The following SLC39A7 variants were observed in gnomAD, a reference collection of about 807,000 sequenced individuals.
The protein encoded by SLC39A7 is solute carrier family 39 member 7.
In SLC39A7, 25 loss-of-function variants were observed where a neutral mutation model predicts 39.7. The ratio of observed to expected loss-of-function variants is 0.63; its 90% CI spans 0.46 to 0.88. SLC39A7 has a LOEUF of 0.88. Ranked by LOEUF, SLC39A7 falls within the 40% of genes least tolerant of loss-of-function variation. The pLI, the probability that SLC39A7 is intolerant of heterozygous loss-of-function variation, is 0.00. For synonymous variants in SLC39A7, 181 were observed against 234.1 expected (o/e 0.77, Z 2.07); for missense variants, 501 against 592.1 (o/e 0.85, Z 1.60).
Position 33,204,345 on chromosome 6 carries a change from A to AT in SLC39A7, c.*540dup, listed in dbSNP as rs1029164459. The AT allele has an allele frequency of 3.6e-5, 20 of 555,884 alleles. No individual in the cohort carries two copies. The highest frequency in any genetic ancestry group is 7.6e-5 in the African/African-American group (4 of 52,656). The allele number at this position is 555,884 out of a possible 1,614,324, so 34.4% of individuals were successfully genotyped here. A position where few individuals can be genotyped will look rare whatever the true frequency, so the allele number is the denominator to read the frequency against. On this transcript the variant is annotated 3_prime_UTR_variant, in exon 7 of 7. Transcript: ENST00000374677. The stretch of plus-strand genomic sequence containing the variant: ...GGTTAGTTGGTATTCTCATGGCCTG[A>AT]TTTTTTTTGTTTCTATTCCTTTTAT...
Position 33,202,106 on chromosome 6 carries a change from A to C in SLC39A7, c.615A>C (p.Gly205=). 6.2e-7 allele frequency: 1 copy of C among 1,612,948 alleles called. No homozygotes were observed. Among genetic ancestry groups the C allele is most frequent in the Non-Finnish European group, 8.5e-7 (1 of 1,180,002 alleles). ...CTCACCACACTCTGGAGCAACCCGG[A>C]CATGGACACTCCCACAGTGGTGAGG... ...PHSHHTLEQP[G]HGHSHSGQGP... Residue 205 remains glycine (G), a synonymous_variant, in exon 3 of 7, where the codon GGA becomes GGC. Transcript: ENST00000374677.
In SLC39A7 at chr6:33,201,837, A is replaced by G; in HGVS notation, c.504A>G (p.Leu168=). Residue 168 remains leucine (L), a synonymous_variant, in exon 2 of 7, where the codon CTA becomes CTG. Transcript: ENST00000374677. This position sits in a 1 kb window ranked among gnomAD's most constrained non-coding sequence, Gnocchi z 5.9. ...VESNSPRHRS[L]LQILLSFASG... is the part of the protein sequence containing the mutation. ...CGAACTCTCCCCGGCATCGCTCTCT[A>G]CTTCAGATCTTGCTCAGTTTTGCTT... The G allele has an allele frequency of 6.2e-7, 1 of 1,612,738 alleles. No homozygotes were observed.
chr6:33,203,461 C>G lies in SLC39A7; in HGVS notation c.1138-80C>G, dbSNP rs1562435068. The G allele has an allele frequency of 4.1e-6, 6 of 1,466,798 alleles. No individual in the cohort carries two copies. In the African/African-American group the frequency reaches 4.2e-5, roughly 10 times the overall value. The allele number at this position is 1,466,798 out of a possible 1,614,324, so 90.9% of individuals were successfully genotyped here. On this transcript the variant is annotated intron_variant, in intron 6 of 6. Coordinates refer to ENST00000374677, the MANE Select transcript of SLC39A7 (RefSeq NM_006979.3). Reference sequence around the variant, plus strand: ...GTTTCCAAATCCATGTCCCCTATACCTATACCCCACCAGCCACTTCTAAAC... The same window carrying G: ...GTTTCCAAATCCATGTCCCCTATACGTATACCCCACCAGCCACTTCTAAAC...
rs1461867986 is a variant in SLC39A7 at position 33,201,572 on chromosome 6, C to T, written c.327C>T (p.Asp109=). Residue 109 remains aspartate, a synonymous_variant, in exon 1 of 7, where the codon GAC becomes GAT. Coordinates refer to ENST00000374677, the MANE Select transcript of SLC39A7 (RefSeq NM_006979.3). The surrounding 1 kb of genome is among the most constrained non-coding windows in gnomAD (Gnocchi z 5.9). ...ESLYHRGHGH[D]HEHSHGGYGE... The stretch of plus-strand genomic sequence containing the variant: ...TCTACCACAGAGGACATGGACATGA[C>T]CATGAGCATAGCCATGGAGGCTATG... The T allele has an allele frequency of 6.2e-7, 1 of 1,613,948 alleles. No homozygotes were observed. Among genetic ancestry groups the T allele is most frequent in the Non-Finnish European group, 8.5e-7 (1 of 1,179,944 alleles).
intron 3 of SLC39A7, 68 bp downstream of exon 3, chr6:33,202,193 C>T (rs1774636839): frequency 1.9e-6 from 3 of 1,592,058 alleles, no homozygotes; most frequent in East Asian, 4.5e-5. Flanking sequence ...CTATTCCTCA[C>T]CTCCCGCACT....
Position 33,200,912 on chromosome 6 carries a change from C to A in SLC39A7, c.-334C>A, listed in dbSNP as rs370287977. On this transcript the variant is annotated 5_prime_UTR_variant, in exon 1 of 7. Transcript: ENST00000374677. The surrounding 1 kb of genome is among the most constrained non-coding windows in gnomAD (Gnocchi z 6.3). ...GGCGGGACTGCCACGTCCAAGCAAA[C>A]CGGGAAAGGAGAGGATCCCGGAGCC... is the stretch of plus-strand genomic sequence containing the variant. 2,847 of 1,195,364 alleles carry A rather than the reference C, an allele frequency of 2.4e-3. 64 individuals carry two copies. In the South Asian group the frequency reaches 0.032, roughly 13 times the overall value. 74.0% of individuals were successfully genotyped at this position (1,195,364 alleles called of 1,614,324 possible).
chr6:33,202,506 AGGACATGTT>A, intron 4 of SLC39A7, 45 bp from the exon 5 acceptor site: 7 of 1,594,944 alleles, frequency 4.4e-6, no homozygotes, highest in Non-Finnish European at 6.0e-6. Flanking sequence ...CAGGAGGGAG[AGGACATGTT>A]GGAAGATCTG....
rs758951812 is a variant in SLC39A7 at position 33,202,685 on chromosome 6, G to T, written c.925G>T (p.Glu309Ter). 1 of 1,591,836 alleles carries T rather than the reference G, an allele frequency of 6.3e-7. No homozygotes were observed. Residue 309 changes from glutamate to a stop codon, truncating the protein, a stop_gained, in exon 5 of 7, where the codon GAA becomes TAA. Coordinates refer to ENST00000374677, the MANE Select transcript of SLC39A7 (RefSeq NM_006979.3). LOFTEE classifies it high-confidence loss of function. ...AGTGAGACCTCAGAACGCTGAAGAA[G>T]AAAAAAGAGGCTTAGGTAAGGGCCA... ...GPVRPQNAEE[E>*]KRGLDLRVSG... is the part of the protein sequence containing the mutation.
In SLC39A7 at chr6:33,203,632, T is replaced by C. The variant is rs767372804; in HGVS notation, c.1229T>C (p.Ile410Thr). ...LTEGGAVGSEIAGGAGPGWVL... is the reference protein window; with the variant it reads ...LTEGGAVGSETAGGAGPGWVL... Reference sequence around the variant, plus strand: ...GAAGGAGGAGCAGTGGGCAGTGAAATTGCAGGTGGTGCAGGTCCTGGCTGG... The same window carrying C: ...GAAGGAGGAGCAGTGGGCAGTGAAACTGCAGGTGGTGCAGGTCCTGGCTGG... The change falls in exon 7 of 7, where the codon ATT becomes ACT. Residue 410 changes from isoleucine to threonine, a missense_variant. By Grantham distance (89) the Ile-to-Thr change is moderately conservative. Coordinates refer to ENST00000374677, the MANE Select transcript of SLC39A7 (RefSeq NM_006979.3). 1.9e-6 allele frequency: 3 copies of C among 1,614,212 alleles called. No individual in the cohort carries two copies. Among genetic ancestry groups the C allele is most frequent in the Non-Finnish European group, 2.5e-6 (3 of 1,180,038 alleles).
Position 33,203,036 on chromosome 6 carries a change from T to G in SLC39A7, c.1067T>G (p.Leu356Arg). ...GLGILTTMTVLLHEVPHEVGD... is the reference protein window; with the variant it reads ...GLGILTTMTVRLHEVPHEVGD... ...GGGATCCTGACCACAATGACTGTCCTGCTACATGAAGTGCCCCACGAGGTC... is the reference window on the plus strand; with the variant it reads ...GGGATCCTGACCACAATGACTGTCCGGCTACATGAAGTGCCCCACGAGGTC... The change falls in exon 6 of 7, where the codon CTG becomes CGG. Residue 356 changes from leucine to arginine, a missense_variant. Transcript: ENST00000374677. 1.2e-6 allele frequency: 2 copies of G among 1,611,930 alleles called. No individual in the cohort carries two copies. The highest frequency in any genetic ancestry group is 1.7e-6 in the Non-Finnish European group (2 of 1,179,608).
chr6:33,203,615 A>G lies in SLC39A7; in HGVS notation c.1212A>G (p.Gly404=), dbSNP rs1774788940. The G allele has an allele frequency of 3.7e-6, 6 of 1,614,126 alleles. No homozygotes were observed. The East Asian group carries it at 1.3e-4, about 36-fold the overall frequency. The stretch of plus-strand genomic sequence containing the variant: ...CCTGTGCCCTTCTCACTGAAGGAGG[A>G]GCAGTGGGCAGTGAAATTGCAGGTG... ...GTACALLTEG[G]AVGSEIAGGA... The change falls in exon 7 of 7, where the codon GGA becomes GGG. Residue 404 remains glycine, a synonymous_variant. Transcript: ENST00000374677.
At position 33,201,843 on chromosome 6, in the gene SLC39A7, G is replaced by C; in HGVS notation, c.510G>C (p.Gln170His). The change falls in exon 2 of 7, where the codon CAG (glutamine) becomes CAC (histidine). Residue 170 changes from glutamine (Q) to histidine (H), a missense_variant. Transcript: ENST00000374677. This position sits in a 1 kb window ranked among gnomAD's most constrained non-coding sequence, Gnocchi z 5.9. ...CTCCCCGGCATCGCTCTCTACTTCA[G>C]ATCTTGCTCAGTTTTGCTTCCGGTG... ...SNSPRHRSLL[Q>H]ILLSFASGGL... 2.5e-6 allele frequency: 4 copies of C among 1,613,116 alleles called. No individual in the cohort carries two copies. The highest frequency in any genetic ancestry group is 3.4e-6 in the Non-Finnish European group (4 of 1,180,010).
Position 33,201,767 on chromosome 6 carries a change from T to C in SLC39A7, c.434T>C (p.Ile145Thr). The C allele has an allele frequency of 6.2e-7, 1 of 1,614,038 alleles. No homozygotes were observed. The highest frequency in any genetic ancestry group is 1.1e-5 in the South Asian group (1 of 91,080). ...CAGGCACTGGGGGCCACAGTGCTGATCTCAGCAGCTCCATTTTTTGTCCTC... is the reference window on the plus strand; with the variant it reads ...CAGGCACTGGGGGCCACAGTGCTGACCTCAGCAGCTCCATTTTTTGTCCTC... ...WAYALGATVL[I>T]SAAPFFVLFL... Residue 145 changes from isoleucine to threonine, a missense_variant, in exon 2 of 7, where the codon ATC becomes ACC. Transcript: ENST00000374677. This position sits in a 1 kb window ranked among gnomAD's most constrained non-coding sequence, Gnocchi z 5.9.
chr6:33,202,658 C>A lies in SLC39A7; in HGVS notation c.898C>A (p.Pro300Thr). 1 of 1,607,870 alleles carries A rather than the reference C, an allele frequency of 6.2e-7. No individual in the cohort carries two copies. The highest frequency in any genetic ancestry group is 8.5e-7 in the Non-Finnish European group (1 of 1,178,730). The change falls in exon 5 of 7, where the codon CCA (proline) becomes ACA (threonine). Residue 300 changes from proline to threonine, a missense_variant. By Grantham distance (38) the Pro-to-Thr change is conservative. Coordinates refer to ENST00000374677, the MANE Select transcript of SLC39A7 (RefSeq NM_006979.3). Reference sequence around the variant, plus strand: ...AGGGAGCACAGTACCCAAAGATGGGCCAGTGAGACCTCAGAACGCTGAAGA... The same window carrying A: ...AGGGAGCACAGTACCCAAAGATGGGACAGTGAGACCTCAGAACGCTGAAGA... ...RGGSTVPKDGPVRPQNAEEEK... is the reference protein window; with the variant it reads ...RGGSTVPKDGTVRPQNAEEEK...
At chr6:33,202,177 C>T in intron 3 of SLC39A7, 52 bp downstream of exon 3, 1 of 1,602,814 alleles carries the variant, frequency 6.2e-7, no homozygotes, top group South Asian at 1.1e-5. Context: ...GAAGGTCCGT[C>T]TCTCCCTATT....
chr6:33,203,892 C>A lies in SLC39A7; in HGVS notation c.*79C>A. ...GGTGCGTAGAGGTTGGGGGCCCTGG[C>A]CAGGGACATCTGCCAAAGGAAGGAA... On this transcript the variant is annotated 3_prime_UTR_variant, in exon 7 of 7. Coordinates refer to ENST00000374677, the MANE Select transcript of SLC39A7 (RefSeq NM_006979.3). 1 of 1,411,516 alleles carries A rather than the reference C, an allele frequency of 7.1e-7. No individual in the cohort carries two copies. Among genetic ancestry groups the A allele is most frequent in the Non-Finnish European group, 9.9e-7 (1 of 1,012,812 alleles). 87.4% of individuals were successfully genotyped at this position (1,411,516 alleles called of 1,614,324 possible).
chr6:33,204,043 G>A lies in SLC39A7; in HGVS notation c.*230G>A. On this transcript the variant is annotated 3_prime_UTR_variant, in exon 7 of 7. Coordinates refer to ENST00000374677, the MANE Select transcript of SLC39A7 (RefSeq NM_006979.3). ...GTGTTGGGCACTGTCTGACCATGTT[G>A]CATTTGGAAGGCTAAATGGGGCCAT... 1 of 600,348 alleles carries A rather than the reference G, an allele frequency of 1.7e-6. No homozygotes were observed. Among genetic ancestry groups the A allele is most frequent in the Non-Finnish European group, 3.0e-6 (1 of 338,376 alleles). 37.2% of individuals were successfully genotyped at this position (600,348 alleles called of 1,614,324 possible).
In SLC39A7 at chr6:33,201,465, G is replaced by A. The variant is rs1421030897; in HGVS notation, c.220G>A (p.Gly74Arg). The A allele has an allele frequency of 1.2e-6, 2 of 1,613,996 alleles. No individual in the cohort carries two copies. Among genetic ancestry groups the A allele is most frequent in the African/African-American group, 2.7e-5 (2 of 74,908 alleles). The change falls in exon 1 of 7, where the codon GGA becomes AGA. Residue 74 changes from glycine (G) to arginine (R), a missense_variant. Coordinates refer to ENST00000374677, the MANE Select transcript of SLC39A7 (RefSeq NM_006979.3). This position sits in a 1 kb window ranked among gnomAD's most constrained non-coding sequence, Gnocchi z 5.9. ...CCACACTCACGAGAGCATCTGGCAT[G>A]GACATACCCACGATCACGACCATGG... ...HGHTHESIWH[G>R]HTHDHDHGHS...
intron 4 of SLC39A7, 52 bp downstream of exon 4, chr6:33,202,479 C>T (rs768127403): frequency 6.2e-7 from 1 of 1,605,778 alleles, no homozygotes. Context: ...CTCAGAATCT[C>T]CTCATCTTAT....
Sources: allele counts gnomAD v4.1 joint callset, GRCh38; gene constraint gnomAD v4.1.1; non-coding constraint Gnocchi (gnomAD v3.1); transcripts MANE v1.5; gene names NCBI Gene and HGNC (gene_info 2026-07-23, HGNC 2026-07-21).